GIGYF1: variants seen among roughly 807,000 people sequenced by gnomAD.
The protein encoded by GIGYF1 is GRB10-interacting GYF protein 1.
A neutral mutation model predicts 147.1 loss-of-function variants in GIGYF1; 84 were observed. That is an observed-to-expected ratio of 0.57 (90% CI 0.48 to 0.68). The LOEUF (loss-of-function observed/expected upper bound fraction) is 0.68. Among genes scored for constraint, GIGYF1 ranks in the 30% least tolerant of loss-of-function variants. The pLI is 0.00. For missense variants in GIGYF1, 1,485 were observed against 1,393.7 expected, an observed-to-expected ratio of 1.07 and a Z score of -1.04; for synonymous variants, 752 against 589.5, an observed-to-expected ratio of 1.28 and a Z score of -3.99.
rs1376449557 is a variant in GIGYF1 at position 100,687,331 on chromosome 7, C to G, written c.449G>C (p.Arg150Pro). 6.2e-7 allele frequency: 1 copy of G among 1,613,174 alleles called. No individual in the cohort carries two copies. The highest frequency in any genetic ancestry group is 2.2e-5 in the East Asian group (1 of 44,832). Residue 150 changes from arginine to proline, a missense_variant, in exon 8 of 27, where the codon CGG becomes CCG. Coordinates refer to ENST00000678049, the MANE Select transcript of GIGYF1 (RefSeq NM_001375765.1). ...EGDGAFGRSP[R>P]EIQRSQSWDD... ...CCAGCTCTGGCTGCGCTGGATTTCC[C>G]GGGGGCTTCGTCCAAAGGCCCCATC... is the stretch of plus-strand genomic sequence containing the variant.
In GIGYF1 at chr7:100,681,396, G is replaced by A. The variant is rs1440868793; in HGVS notation, c.*323C>T. ...AAACCAAAAAACAAAAACCTCTGTG[G>A]ACCTTCCATTGTCACACCCACTATC... On this transcript the variant is annotated 3_prime_UTR_variant, in exon 27 of 27. Coordinates refer to ENST00000678049, the MANE Select transcript of GIGYF1 (RefSeq NM_001375765.1). 1 of 277,006 alleles carries A rather than the reference G, an allele frequency of 3.6e-6. No individual in the cohort carries two copies. The highest frequency in any genetic ancestry group is 6.6e-6 in the Non-Finnish European group (1 of 151,450). The allele number at this position is 277,006 out of a possible 1,614,324, so 17.2% of individuals were successfully genotyped here. A position where few individuals can be genotyped will look rare whatever the true frequency, so the allele number is the denominator to read the frequency against.
rs1436929007 is a variant in GIGYF1, at chr7:100,685,986, CTTCCTCCTCTAGCCCTTCGGAAGG to C, written c.1018_1041del (p.Pro340_Glu347del). On this transcript the variant is annotated inframe_deletion, in exon 12 of 27. Coordinates refer to ENST00000678049, the MANE Select transcript of GIGYF1 (RefSeq NM_001375765.1). ...CCCCGCGGCTCACCTGCCTCAGGCCCTTCCTCCTCTAGCCCTTCGGAAGGTTCCTCCTCCTCCTCCAACCCTTGG... is the reference window on the plus strand; with the variant it reads ...CCCCGCGGCTCACCTGCCTCAGGCCCTTCCTCCTCCTCCTCCAACCCTTGG... 2.5e-6 allele frequency: 4 copies of C among 1,612,202 alleles called. No homozygotes were observed. Among genetic ancestry groups the C allele is most frequent in the Non-Finnish European group, 3.4e-6 (4 of 1,179,954 alleles).
rs770517974 is a variant in GIGYF1, at chr7:100,684,537, G to C, written c.1542C>G (p.Cys514Trp). 1 of 1,614,034 alleles carries C rather than the reference G, an allele frequency of 6.2e-7. No individual in the cohort carries two copies. The highest frequency in any genetic ancestry group is 8.5e-7 in the Non-Finnish European group (1 of 1,180,020). ...FSMSLLVKRGCDEGFQPLGEV... is the reference protein window; with the variant it reads ...FSMSLLVKRGWDEGFQPLGEV... Reference sequence around the variant, plus strand: ...CGCCCAGCGGCTGGAAGCCCTCATCGCAGCCCCGCTTCACCAGCAGTGACA... The same window carrying C: ...CGCCCAGCGGCTGGAAGCCCTCATCCCAGCCCCGCTTCACCAGCAGTGACA... Residue 514 changes from cysteine to tryptophan, a missense_variant, in exon 16 of 27, where the codon TGC becomes TGG. Physicochemically the swap from Cys to Trp is radical, Grantham distance 215 (BLOSUM62 -2). Coordinates refer to ENST00000678049, the MANE Select transcript of GIGYF1 (RefSeq NM_001375765.1).
chr7:100,687,633 G>A lies in GIGYF1; in HGVS notation c.262-17C>T. 1 of 1,594,106 alleles carries A rather than the reference G, an allele frequency of 6.3e-7. No individual in the cohort carries two copies. The highest frequency in any genetic ancestry group is 1.7e-5 in the Admixed American group (1 of 58,216). ...GAAGTTTCTCTGAGGAGGGAGCCAG[G>A]GGCGGGAGTGAGGACCCAGGCACCC... On this transcript the variant is annotated splice_polypyrimidine_tract_variant and intron_variant, in intron 6 of 26. Transcript: ENST00000678049.
intron 10 of GIGYF1, 100 bp from the exon 11 acceptor site, chr7:100,686,533 G>T: frequency 1.3e-6 from 2 of 1,517,244 alleles, no homozygotes; most frequent in Non-Finnish European, 1.8e-6. Context: ...CTGCTGTCCC[G>T]GCCACTCCCA....
Position 100,682,192 on chromosome 7 carries a change from A to G in GIGYF1, c.2805T>C (p.Tyr935=), listed in dbSNP as rs988364586. The change falls in exon 25 of 27, where the codon TAT becomes TAC. Residue 935 remains tyrosine (Y), a synonymous_variant. Coordinates refer to ENST00000678049, the MANE Select transcript of GIGYF1 (RefSeq NM_001375765.1). The part of the protein sequence containing the change: ...VAILKEVESP[Y]DVHDYIRSCL... Reference sequence around the variant, plus strand: ...AGGAACGGATATAATCGTGGACATCATAGGGGGATTCCACCTCCTTGAGGA... The same window carrying G: ...AGGAACGGATATAATCGTGGACATCGTAGGGGGATTCCACCTCCTTGAGGA... 1.1e-5 allele frequency: 18 copies of G among 1,613,540 alleles called. No homozygotes were observed. The highest frequency in any genetic ancestry group is 2.7e-5 in the African/African-American group (2 of 74,928).
intron 13 of GIGYF1, 42 bp from the exon 14 acceptor site, chr7:100,685,188 G>A (rs774025919): frequency 1.4e-5 from 22 of 1,527,954 alleles, no homozygotes; most frequent in Middle Eastern, 1.7e-4. Context: ...GGGCGGGGAG[G>A]AGACAAGATA....
chr7:100,685,601 T>A, intron 12 of GIGYF1, 120 bp from the exon 13 acceptor site: 1 of 1,113,740 alleles, frequency 9.0e-7, no homozygotes, highest in Non-Finnish European at 1.3e-6. Flanking sequence ...AGTCCACCAC[T>A]TCACTTGGGT....
rs1256979538 is a variant in GIGYF1, at chr7:100,683,398, T to C, written c.2099A>G (p.Glu700Gly). ...EVELRAKREE[E>G]ERKRREEKRR... is the part of the protein sequence containing the mutation. ...CTTCTCCTCTCGACGCTTGCGTTCCTCTTCCTCCCGCTTCGCCCTGAGCTC... is the reference window on the plus strand; with the variant it reads ...CTTCTCCTCTCGACGCTTGCGTTCCCCTTCCTCCCGCTTCGCCCTGAGCTC... Residue 700 changes from glutamate to glycine, a missense_variant, in exon 21 of 27, where the codon GAG (glutamate) becomes GGG (glycine). Physicochemically the swap from Glu to Gly is moderately conservative, Grantham distance 98. Coordinates refer to ENST00000678049, the MANE Select transcript of GIGYF1 (RefSeq NM_001375765.1). 2 of 1,613,612 alleles carry C rather than the reference T, an allele frequency of 1.2e-6. No homozygotes were observed. The highest frequency in any genetic ancestry group is 1.7e-6 in the Non-Finnish European group (2 of 1,180,006).
Position 100,686,805 on chromosome 7 carries a change from C to G in GIGYF1, c.538G>C (p.Glu180Gln). The G allele has an allele frequency of 6.2e-7, 1 of 1,613,982 alleles. No individual in the cohort carries two copies. Among genetic ancestry groups the G allele is most frequent in the Non-Finnish European group, 8.5e-7 (1 of 1,179,980 alleles). Residue 180 changes from glutamate to glutamine, a missense_variant, in exon 10 of 27, where the codon GAG becomes CAG. Coordinates refer to ENST00000678049, the MANE Select transcript of GIGYF1 (RefSeq NM_001375765.1). The stretch of plus-strand genomic sequence containing the variant: ...TTCCTTGGGCCAGCCCCTCCCTCCT[C>G]AAAGCCACATCGTGCTGGGAGACGG... ...ARRDGARCGF[E>Q]EGGAGPRKEH...
intron 26 of GIGYF1, 32 bp downstream of exon 26, chr7:100,681,831 AG>A (rs778185210): frequency 4.3e-5 from 69 of 1,608,992 alleles, no homozygotes; most frequent in Non-Finnish European, 5.5e-5. Context: ...CCCTGTGCCA[AG>A]GAAGTCCCGC....
At position 100,683,806 on chromosome 7, in the gene GIGYF1, C is replaced by G; in HGVS notation, c.1969+12G>C. 6.3e-7 allele frequency: 1 copy of G among 1,576,654 alleles called. No homozygotes were observed. The highest frequency in any genetic ancestry group is 8.6e-7 in the Non-Finnish European group (1 of 1,160,380). On this transcript the variant is annotated intron_variant, in intron 19 of 26. Coordinates refer to ENST00000678049, the MANE Select transcript of GIGYF1 (RefSeq NM_001375765.1). Reference sequence around the variant, plus strand: ...GACTGCCTTGGGGGTGGGGACCAGTCAGGCCACACACCTGACTGTGATGAG... The same window carrying G: ...GACTGCCTTGGGGGTGGGGACCAGTGAGGCCACACACCTGACTGTGATGAG...
In GIGYF1 at chr7:100,682,624, C is replaced by T. The variant is rs367649887; in HGVS notation, c.2566G>A (p.Gly856Ser). Residue 856 changes from glycine to serine, a missense_variant, in exon 23 of 27, where the codon GGC (glycine) becomes AGC (serine). Coordinates refer to ENST00000678049, the MANE Select transcript of GIGYF1 (RefSeq NM_001375765.1). ...KSGGSLVRGL[G>S]LKNSRSSPSL... is the part of the protein sequence containing the mutation. ...GGGCTGCTCCGGCTGTTCTTCAGGC[C>T]GAGGCCACGGACCAGGCTCCCGCCG... is the stretch of plus-strand genomic sequence containing the variant. 1.4e-5 allele frequency: 22 copies of T among 1,597,102 alleles called. No individual in the cohort carries two copies. Among genetic ancestry groups the T allele is most frequent in the South Asian group, 4.5e-5 (4 of 89,650 alleles).
chr7:100,691,756 C>T (rs1357875352), intron 1 of GIGYF1, among the ~76,000 whole-genome samples: 5 of 152,130 alleles, frequency 3.3e-5, no homozygotes, highest in Non-Finnish European at 7.4e-5. Context: ...GCCCCTTCCC[C>T]ACCCCTTCTC....
rs770294530 is a variant in GIGYF1 at position 100,684,623 on chromosome 7, A to T, written c.1463-7T>A. The T allele has an allele frequency of 6.2e-7, 1 of 1,613,960 alleles. No homozygotes were observed. Among genetic ancestry groups the T allele is most frequent in the Non-Finnish European group, 8.5e-7 (1 of 1,179,914 alleles). ...TCCTGTGTCGTGAAGGGGCCTGGACAGGGAGCGAGGGAGCGGGAGAACCAC... is the reference window on the plus strand; with the variant it reads ...TCCTGTGTCGTGAAGGGGCCTGGACTGGGAGCGAGGGAGCGGGAGAACCAC... On this transcript the variant is annotated splice_polypyrimidine_tract_variant and splice_region_variant and intron_variant, in intron 15 of 26. Coordinates refer to ENST00000678049, the MANE Select transcript of GIGYF1 (RefSeq NM_001375765.1).
At chr7:100,683,951 A>G (rs1329923542) in intron 18 of GIGYF1, 33 bp from the exon 19 acceptor site, 1 of 1,564,120 alleles carries the variant, frequency 6.4e-7, no homozygotes, top group Non-Finnish European at 8.7e-7. Flanking sequence ...TTAGGACCCC[A>G]AATCCATCTC....
At chr7:100,693,024 T>C (rs983886619) in intron 1 of GIGYF1, among the ~76,000 whole-genome samples, 2 of 152,052 alleles carry the variant, frequency 1.3e-5, no homozygotes, top group South Asian at 2.1e-4. Flanking sequence ...GGGTTCTAAA[T>C]TGAAACTTCT....
Position 100,684,231 on chromosome 7 carries a change from C to T in GIGYF1, c.1730+6G>A, listed in dbSNP as rs1450676892. The T allele has an allele frequency of 1.2e-6, 2 of 1,610,256 alleles. No homozygotes were observed. The highest frequency in any genetic ancestry group is 1.7e-6 in the Non-Finnish European group (2 of 1,179,312). On this transcript the variant is annotated splice_donor_region_variant and intron_variant, in intron 17 of 26. Coordinates refer to ENST00000678049, the MANE Select transcript of GIGYF1 (RefSeq NM_001375765.1). The stretch of plus-strand genomic sequence containing the variant: ...CTTCTCCCAGCCCACCCCAGGCCCC[C>T]CATACCTGCTGACCAGCTGGAGAAA...
In GIGYF1 at chr7:100,684,504, G is replaced by T; in HGVS notation, c.1575C>A (p.Ile525=). ...DEGFQPLGEV[I]KMWGRVPFAP... ...CAAAGGGCACGCGGCCCCACATCTT[G>T]ATCACCTCGCCCAGCGGCTGGAAGC... Residue 525 remains isoleucine, a synonymous_variant, in exon 16 of 27, where the codon ATC becomes ATA. Transcript: ENST00000678049. 3 of 1,613,828 alleles carry T rather than the reference G, an allele frequency of 1.9e-6. No homozygotes were observed. The highest frequency in any genetic ancestry group is 2.5e-6 in the Non-Finnish European group (3 of 1,180,004).
Sources: gnomAD v4.1 joint callset for allele counts (sites outside exome capture counted in the v4.1 genomes callset) on GRCh38, gnomAD v4.1.1 for gene constraint, MANE v1.5 for transcripts, NCBI Gene and HGNC (gene_info 2026-07-23, HGNC 2026-07-21) for gene names.